The following RNF213 variants were observed in gnomAD, a reference collection of about 807,000 sequenced individuals.
RNF213 encodes E3 ubiquitin-protein ligase RNF213.
A neutral mutation model predicts 514.4 loss-of-function variants in RNF213; 341 were observed. The ratio of observed to expected loss-of-function variants is 0.66; its 90% confidence interval spans 0.61 to 0.73. The LOEUF is 0.73. Ranked by LOEUF, RNF213 falls within the 30% of genes least tolerant of loss-of-function variation. The pLI, the probability that RNF213 is intolerant of heterozygous loss-of-function variation, is 0.00. For missense variants in RNF213, 5,767 were observed against 6,615.6 expected (o/e 0.87, Z 4.45); for synonymous variants, 2,655 against 2,658.2 (o/e 1.00, Z 0.04).
chr17:80,269,531 A>G (rs2043740130), intron 2 of RNF213, among the ~76,000 whole-genome samples: 1 of 150,930 alleles, frequency 6.6e-6, no homozygotes, highest in Non-Finnish European at 1.5e-5. Flanking sequence ...TCCTCTTTCT[A>G]TTCATCCATT....
At chr17:80,271,731 C>A (rs58647907) in intron 2 of RNF213, among the ~76,000 whole-genome samples, 7,750 of 152,226 alleles carry the variant, frequency 0.051, 290 homozygotes, top group East Asian at 0.2. Flanking sequence ...GTAATCCCAG[C>A]ACTTTGGGAG....
rs1311634386 is a variant in RNF213, at chr17:80,383,775, G to T, written c.14169G>T (p.Val4723=). The T allele has an allele frequency of 1.9e-6, 3 of 1,613,956 alleles. No individual in the cohort carries two copies. Among genetic ancestry groups the T allele is most frequent in the Non-Finnish European group, 2.5e-6 (3 of 1,180,038 alleles). ...PVAKIIYGDP[V]TFLPHLPRKS... ...CCAAAATAATATATGGTGACCCAGT[G>T]ACCTTCCTGCCCCACCTGCCCCGGA... Residue 4723 remains valine, a synonymous_variant, in exon 59 of 68, where the codon GTG becomes GTT. Coordinates refer to ENST00000582970, the MANE Select transcript of RNF213 (RefSeq NM_001256071.3).
intron 59 of RNF213, among the ~76,000 whole-genome samples, chr17:80,384,165 G>T (rs1468939053): frequency 6.6e-6 from 1 of 152,192 alleles, no homozygotes; most frequent in Non-Finnish European, 1.5e-5. Flanking sequence ...GATTAGCAGT[G>T]ACCTGTGGGG....
intron 2 of RNF213, among the ~76,000 whole-genome samples, chr17:80,266,004 T>C (rs1375380470): frequency 2.0e-5 from 3 of 152,098 alleles, no homozygotes; most frequent in Non-Finnish European, 1.5e-5. Flanking sequence ...GCTGGAGACA[T>C]TGAGTTCCAA....
chr17:80,353,951 C>T lies in RNF213; in HGVS notation c.10579-68C>T, dbSNP rs60571269. The T allele has an allele frequency of 1.7e-3, 2,707 of 1,596,658 alleles. 40 individuals carry two copies. The African/African-American group carries it at 0.031, about 19-fold the overall frequency. Reference sequence around the variant, plus strand: ...GCTGCATTGAGACCCTCATCGCATACGGGCGGTTTGGCTTTTGCCCACTGT... The same window carrying T: ...GCTGCATTGAGACCCTCATCGCATATGGGCGGTTTGGCTTTTGCCCACTGT... On this transcript the variant is annotated intron_variant, in intron 34 of 67. Transcript: ENST00000582970. The surrounding 1 kb of genome is among the most constrained non-coding windows in gnomAD (Gnocchi z 5.0).
intron 2 of RNF213, among the ~76,000 whole-genome samples, chr17:80,265,977 G>A (rs997794741): frequency 1.6e-4 from 24 of 152,172 alleles, no homozygotes; most frequent in African/African-American, 5.3e-4. Context: ...ATGGGGACAT[G>A]GGAAGCCCAT....
Position 80,363,170 on chromosome 17 carries a change from G to C in RNF213, c.11424G>C (p.Glu3808Asp). The C allele has an allele frequency of 6.2e-7, 1 of 1,614,240 alleles. No homozygotes were observed. Among genetic ancestry groups the C allele is most frequent in the Non-Finnish European group, 8.5e-7 (1 of 1,180,052 alleles). ...LKAASEAPEE[E>D]VSLPWVHLAY... Reference sequence around the variant, plus strand: ...CGGCGTCAGAAGCGCCCGAGGAAGAGGTTTCCTTACCGTGGGTGCACCTTG... The same window carrying C: ...CGGCGTCAGAAGCGCCCGAGGAAGACGTTTCCTTACCGTGGGTGCACCTTG... Residue 3808 changes from glutamate (E) to aspartate (D), a missense_variant, in exon 40 of 68, where the codon GAG becomes GAC. Coordinates refer to ENST00000582970, the MANE Select transcript of RNF213 (RefSeq NM_001256071.3).
At chr17:80,371,105 G>A (rs1478552058) in intron 46 of RNF213, among the ~76,000 whole-genome samples, 1 of 152,018 alleles carries the variant, frequency 6.6e-6, no homozygotes, top group African/African-American at 2.4e-5. Context: ...AATGCCTGAT[G>A]TCATGAAATC....
At position 80,372,675 on chromosome 17, in the gene RNF213, G is replaced by C; in HGVS notation, c.12692G>C (p.Arg4231Pro). Reference protein sequence around the residue: ...ASVEYLQEVARIRLCLDRAAD... With the variant: ...ASVEYLQEVAPIRLCLDRAAD... ...GTTGAATACCTGCAAGAGGTGGCCC[G>C]GATCCGCCTCTGCCTCGACAGAGCT... The change falls in exon 48 of 68, where the codon CGG becomes CCG. Residue 4231 changes from arginine to proline, a missense_variant. Arg to Pro is a moderately radical substitution (Grantham distance 103). Transcript: ENST00000582970. 6.2e-7 allele frequency: 1 copy of C among 1,614,034 alleles called. No homozygotes were observed. Among genetic ancestry groups the C allele is most frequent in the Non-Finnish European group, 8.5e-7 (1 of 1,180,026 alleles).
At chr17:80,392,628 C>A (rs1449767018) in intron 67 of RNF213, among the ~76,000 whole-genome samples, 1 of 151,760 alleles carries the variant, frequency 6.6e-6, no homozygotes, top group African/African-American at 2.4e-5. Flanking sequence ...CTCGCTCTGT[C>A]GCCCAGGCTG....
Position 80,339,915 on chromosome 17 carries a change from C to A in RNF213, c.5548C>A (p.Gln1850Lys). The A allele has an allele frequency of 6.5e-7, 1 of 1,536,952 alleles. No individual in the cohort carries two copies. Among genetic ancestry groups the A allele is most frequent in the Non-Finnish European group, 8.7e-7 (1 of 1,146,894 alleles). ...GCCAGCCGCCCTGGCTGTCTACATG[C>A]AAACCCCAAGCCAGCCCCTGCCCAC... ...VLPAALAVYMQTPSQPLPTYD... is the reference protein window; with the variant it reads ...VLPAALAVYMKTPSQPLPTYD... Residue 1850 changes from glutamine (Q) to lysine (K), a missense_variant, in exon 26 of 68, where the codon CAA becomes AAA. Gln to Lys is a moderately conservative substitution (Grantham distance 53). Coordinates refer to ENST00000582970, the MANE Select transcript of RNF213 (RefSeq NM_001256071.3).
In RNF213 at chr17:80,393,614, C is replaced by G; in HGVS notation, c.*116C>G. The G allele has an allele frequency of 8.5e-7, 1 of 1,176,622 alleles. No individual in the cohort carries two copies. Among genetic ancestry groups the G allele is most frequent in the Non-Finnish European group, 1.2e-6 (1 of 817,766 alleles). 72.9% of individuals were successfully genotyped at this position (1,176,622 alleles called of 1,614,324 possible). A position where few individuals can be genotyped will look rare whatever the true frequency, so the allele number is the denominator to read the frequency against. On this transcript the variant is annotated 3_prime_UTR_variant, in exon 68 of 68. Coordinates refer to ENST00000582970, the MANE Select transcript of RNF213 (RefSeq NM_001256071.3). ...TTGCATTCAGAAGGAGAGCTGTCAG[C>G]GTAGCACCGAATTCAAGACCAAGGC...
chr17:80,268,189 A>G (rs1159660235), intron 2 of RNF213, among the ~76,000 whole-genome samples: 2 of 151,724 alleles, frequency 1.3e-5, no homozygotes, highest in East Asian at 1.9e-4. Context: ...TTCAACGTCC[A>G]TTGTTGGATA....
intron 11 of RNF213, among the ~76,000 whole-genome samples, chr17:80,305,771 C>T (rs2045336911): frequency 6.6e-6 from 1 of 152,002 alleles, no homozygotes; most frequent in South Asian, 2.1e-4. Flanking sequence ...AGGCATGTGC[C>T]ACCATGCCTG....
intron 14 of RNF213, among the ~76,000 whole-genome samples, chr17:80,310,362 C>T (rs189617322): frequency 1.3e-5 from 2 of 152,118 alleles, no homozygotes; most frequent in African/African-American, 2.4e-5. Context: ...AAGTGATTCT[C>T]CTGCCTCAGC....
Position 80,288,124 on chromosome 17 carries a change from CAG to C in RNF213, c.574_575del (p.Ser192GlnfsTer37), listed in dbSNP as rs1230120437. On this transcript the variant is annotated frameshift_variant, in exon 4 of 68. Coordinates refer to ENST00000582970, the MANE Select transcript of RNF213 (RefSeq NM_001256071.3). LOFTEE classifies it high-confidence loss of function. This position sits in a 1 kb window ranked among gnomAD's most constrained non-coding sequence, Gnocchi z 4.9. ...EAGVATGSEA[Q>X]SSPQFQDHTE... is the part of the protein sequence containing the mutation. ...AGGAGTGGCCACAGGAAGTGAGGCT[CAG>C]AGCAGCCCGCAATTCCAGGACCACA... 3 of 1,609,252 alleles carry C rather than the reference CAG, an allele frequency of 1.9e-6. No homozygotes were observed. Among genetic ancestry groups the C allele is most frequent in the Non-Finnish European group, 2.5e-6 (3 of 1,177,012 alleles).
At chr17:80,270,425 C>T (rs2043782967) in intron 2 of RNF213, among the ~76,000 whole-genome samples, 1 of 152,236 alleles carries the variant, frequency 6.6e-6, no homozygotes, top group Admixed American at 6.5e-5. Context: ...ATGCAAATCT[C>T]TTCAAATCCC....
At chr17:80,365,886 C>T (rs2079249993) in intron 42 of RNF213, among the ~76,000 whole-genome samples, 1 of 152,216 alleles carries the variant, frequency 6.6e-6, no homozygotes, top group South Asian at 2.1e-4. Flanking sequence ...GGAGCTGGCC[C>T]CTGCCTGCTC....
rs1170454441 is a variant in RNF213 at position 80,313,830 on chromosome 17, G to A, written c.2811+663G>A. On this transcript the variant is annotated intron_variant, in intron 15 of 67. Transcript: ENST00000582970. Reference sequence around the variant, plus strand: ...GGTAATGGAGGTGATGGTGGTGGTGGAGGTGATGGTGGAGGTACTGGAGGT... The same window carrying A: ...GGTAATGGAGGTGATGGTGGTGGTGAAGGTGATGGTGGAGGTACTGGAGGT... Among the ~76,000 whole-genome samples, 124 of 55,182 alleles carry A rather than the reference G, an allele frequency of 2.2e-3. 1 individual carries two copies. The highest frequency in any genetic ancestry group is 0.016 in the Middle Eastern group (2 of 124). The allele number at this position is 55,182 out of a possible 152,430, so 36.2% of individuals were successfully genotyped here.
Sources: gnomAD v4.1 joint callset for allele counts (sites outside exome capture counted in the v4.1 genomes callset) on GRCh38, gnomAD v4.1.1 for gene constraint, Gnocchi (gnomAD v3.1) non-coding constraint, MANE v1.5 for transcripts, NCBI Gene and HGNC (gene_info 2026-07-23, HGNC 2026-07-21) for gene names.